CSMD1: variants seen among roughly 807,000 people sequenced by gnomAD.
CSMD1 encodes CUB and sushi domain-containing protein 1.
CSMD1 carries 213 observed loss-of-function variants against 417.5 expected under a neutral mutation model. The observed-to-expected ratio is 0.51, with a 90% CI of 0.46 to 0.57. The LOEUF is 0.57. Among genes scored for constraint, CSMD1 ranks in the 20% least tolerant of loss-of-function variants. The probability of loss-of-function intolerance (pLI) is 0.00; values close to 1 mark genes in which losing one functional copy is unlikely to be tolerated. For synonymous variants in CSMD1, 2,862 were observed against 1,736.8 expected (o/e 1.65, Z -16.11); for missense variants, 6,923 against 4,529.7 (o/e 1.53, Z -15.17).
At chr8:3,647,098 G>A (rs1263911784) in intron 7 of CSMD1, among the ~76,000 whole-genome samples, 2 of 152,254 alleles carry the variant, frequency 1.3e-5, no homozygotes, top group East Asian at 3.9e-4. Flanking sequence ...CCTTGTCATG[G>A]CAATGAAAAT....
intron 3 of CSMD1, among the ~76,000 whole-genome samples, chr8:4,372,625 A>C (rs1273292448): frequency 1.0e-5 from 1 of 100,458 alleles, no homozygotes; most frequent in Non-Finnish European, 2.1e-5. Flanking sequence ...GAAAGTAAGG[A>C]AGTGTTAAAA....
At chr8:3,112,002 T>C (rs1170455305) in intron 42 of CSMD1, among the ~76,000 whole-genome samples, 2 of 151,872 alleles carry the variant, frequency 1.3e-5, no homozygotes, top group Admixed American at 1.3e-4. Context: ...AAAACTCAAC[T>C]CCTTGTCACC....
chr8:4,567,286 C>G (rs1184850059), intron 2 of CSMD1, among the ~76,000 whole-genome samples: 2 of 152,114 alleles, frequency 1.3e-5, no homozygotes, highest in African/African-American at 4.8e-5. Flanking sequence ...TGTTATTTCT[C>G]AGAGCTTGTA....
intron 5 of CSMD1, among the ~76,000 whole-genome samples, chr8:3,919,486 G>A (rs1343758060): frequency 1.3e-5 from 2 of 151,920 alleles, no homozygotes; most frequent in Non-Finnish European, 2.9e-5. Flanking sequence ...CTGTATTATT[G>A]GTCTATGTGT....
chr8:3,010,440 C>T (rs187032090), intron 52 of CSMD1, among the ~76,000 whole-genome samples: 2 of 152,304 alleles, frequency 1.3e-5, no homozygotes, highest in East Asian at 3.9e-4. Context: ...TCCACCATCT[C>T]GTGGCCCTAT....
intron 5 of CSMD1, among the ~76,000 whole-genome samples, chr8:3,869,232 C>T (rs55753075): frequency 0.013 from 1,930 of 152,268 alleles, 34 homozygotes; most frequent in African/African-American, 0.043. Context: ...TGATGCTCTG[C>T]CTAGCACTGC....
intron 3 of CSMD1, among the ~76,000 whole-genome samples, chr8:4,404,126 G>C (rs930584497): frequency 1.3e-5 from 2 of 152,214 alleles, no homozygotes; most frequent in East Asian, 3.9e-4. Flanking sequence ...TTCCACGCGA[G>C]TGTTTATCTT....
intron 18 of CSMD1, among the ~76,000 whole-genome samples, chr8:3,377,061 T>G (rs866179676): frequency 3.1e-4 from 47 of 152,186 alleles, no homozygotes; most frequent in African/African-American, 1.1e-3. Context: ...CAGGCTGTAG[T>G]GTAGTGGTGT....
intron 1 of CSMD1, among the ~76,000 whole-genome samples, chr8:4,959,476 G>T (rs558657052): frequency 5.9e-5 from 9 of 152,294 alleles, no homozygotes; most frequent in South Asian, 2.1e-4. Flanking sequence ...ACGCCCTCAG[G>T]ATATCCTGTT....
At chr8:2,974,394 T>C in intron 56 of CSMD1, 57 bp downstream of exon 56, 2 of 1,378,314 alleles carry the variant, frequency 1.5e-6, no homozygotes, top group Non-Finnish European at 1.9e-6. Flanking sequence ...TTGAAATCAC[T>C]ATTTGAAAAG....
chr8:3,753,100 G>C (rs561608163), intron 6 of CSMD1, among the ~76,000 whole-genome samples: 3 of 152,272 alleles, frequency 2.0e-5, no homozygotes, highest in South Asian at 4.1e-4. Flanking sequence ...GCAGGGCTTG[G>C]TGTCCTCTCT....
intron 2 of CSMD1, among the ~76,000 whole-genome samples, chr8:4,522,742 G>C (rs1803533619): frequency 6.6e-6 from 1 of 152,112 alleles, no homozygotes; most frequent in Non-Finnish European, 1.5e-5. Context: ...ACACGTGCCT[G>C]GGAGTTGGAC....
chr8:3,845,797 T>G (rs1159150822), intron 5 of CSMD1, among the ~76,000 whole-genome samples: 3 of 152,206 alleles, frequency 2.0e-5, no homozygotes, highest in African/African-American at 7.2e-5. Context: ...TCTTATTTCT[T>G]TATATTTTTA....
chr8:4,124,925 C>T (rs1177816513), intron 3 of CSMD1, among the ~76,000 whole-genome samples: 1 of 152,118 alleles, frequency 6.6e-6, no homozygotes, highest in Non-Finnish European at 1.5e-5. Flanking sequence ...ACACCCAAGC[C>T]AGAAACAGCA....
chr8:4,925,356 T>C (rs1214128958), intron 1 of CSMD1, among the ~76,000 whole-genome samples: 1 of 151,318 alleles, frequency 6.6e-6, no homozygotes, highest in Non-Finnish European at 1.5e-5. Context: ...ATGACTCCTG[T>C]TGAAACCTGA....
intron 7 of CSMD1, among the ~76,000 whole-genome samples, chr8:3,650,740 T>G (rs1563234154): frequency 6.6e-6 from 1 of 152,244 alleles, no homozygotes; most frequent in Admixed American, 6.5e-5. Context: ...CGATGACTTC[T>G]TCAGCATTTC....
intron 49 of CSMD1, among the ~76,000 whole-genome samples, chr8:3,060,514 A>G (rs1812525639): frequency 6.6e-6 from 1 of 152,172 alleles, no homozygotes; most frequent in Admixed American, 6.5e-5. Context: ...AAAAATTACT[A>G]TTAGAACAGA....
chr8:3,002,953 T>C (rs1338082386), intron 52 of CSMD1, among the ~76,000 whole-genome samples: 3 of 152,244 alleles, frequency 2.0e-5, no homozygotes, highest in South Asian at 4.1e-4. Flanking sequence ...AAAAAAGTTA[T>C]GTATCAGCAG....
intron 2 of CSMD1, among the ~76,000 whole-genome samples, chr8:4,627,192 A>T (rs1802167768): frequency 6.6e-6 from 1 of 152,138 alleles, no homozygotes; most frequent in African/African-American, 2.4e-5. Flanking sequence ...AGCTACTCTT[A>T]GAGGTTGAAA....
Sources: allele counts gnomAD v4.1 joint callset (sites outside exome capture counted in the v4.1 genomes callset), GRCh38; gene constraint gnomAD v4.1.1; transcripts MANE v1.5; gene names NCBI Gene and HGNC (gene_info 2026-07-23, HGNC 2026-07-21).